UBE2E2: variants seen among roughly 807,000 people sequenced by gnomAD.
The protein encoded by UBE2E2 is ubiquitin-conjugating enzyme E2 E2.
A neutral mutation model predicts 24.7 loss-of-function variants in UBE2E2; 6 were observed. The observed-to-expected ratio is 0.24, with a 90% CI of 0.13 to 0.48. The LOEUF is 0.48. Among genes scored for constraint, UBE2E2 ranks in the 20% least tolerant of loss-of-function variants. The probability of loss-of-function intolerance (pLI) is 0.99; values close to 1 mark genes in which losing one functional copy is unlikely to be tolerated. For missense variants in UBE2E2, 169 were observed against 245.0 expected (o/e 0.69, Z 2.07); for synonymous variants, 104 against 83.6 (o/e 1.24, Z -1.33).
At chr3:23,395,276 G>A (rs899021170) in intron 3 of UBE2E2, among the ~76,000 whole-genome samples, 3 of 152,132 alleles carry the variant, frequency 2.0e-5, no homozygotes, top group African/African-American at 7.2e-5. Flanking sequence ...AGTCATTTCC[G>A]GATACCAACT....
intron 3 of UBE2E2, among the ~76,000 whole-genome samples, chr3:23,485,210 C>G (rs1347912283): frequency 6.7e-6 from 1 of 149,872 alleles, no homozygotes. Context: ...CCCAAGTAAT[C>G]TCAGCCTCCC....
chr3:23,255,068 G>A (rs1237315373), intron 3 of UBE2E2, among the ~76,000 whole-genome samples: 1 of 146,012 alleles, frequency 6.8e-6, no homozygotes, highest in Non-Finnish European at 1.5e-5. Flanking sequence ...ATCAGTTTAA[G>A]GAGTAACTTC....
chr3:23,320,391 A>G (rs1694709311), intron 3 of UBE2E2, among the ~76,000 whole-genome samples: 1 of 152,180 alleles, frequency 6.6e-6, no homozygotes, highest in Admixed American at 6.5e-5. Flanking sequence ...TGACTTTATT[A>G]AGATATAATT....
Position 23,267,285 on chromosome 3 carries a change from C to T in UBE2E2, c.227+49973C>T, listed in dbSNP as rs550791721. 4.5e-3 allele frequency among the ~76,000 whole-genome samples: 681 copies of T among 151,440 alleles called. 5 individuals carry two copies. The highest frequency in any genetic ancestry group is 0.01 in the Middle Eastern group (3 of 294). ...CCAGGAGCTGGTTTTTTGAAAGGAT[C>T]AACAAAATTGATAGACCGCTAGCAA... On this transcript the variant is annotated intron_variant, in intron 3 of 5. Coordinates refer to ENST00000396703, the MANE Select transcript of UBE2E2 (RefSeq NM_152653.4).
intron 5 of UBE2E2, among the ~76,000 whole-genome samples, chr3:23,543,879 A>T (rs769341587): frequency 6.6e-6 from 1 of 152,232 alleles, no homozygotes; most frequent in Non-Finnish European, 1.5e-5. Context: ...ACATAAACCA[A>T]TGGAACAGAA....
intron 3 of UBE2E2, among the ~76,000 whole-genome samples, chr3:23,321,163 G>A (rs1694727687): frequency 6.6e-6 from 1 of 152,190 alleles, no homozygotes; most frequent in South Asian, 2.1e-4. Context: ...ATATGTGTAT[G>A]CCCAAATTTT....
chr3:23,468,181 T>C (rs1280143062), intron 3 of UBE2E2, among the ~76,000 whole-genome samples: 2 of 152,224 alleles, frequency 1.3e-5, no homozygotes, highest in East Asian at 3.8e-4. Flanking sequence ...AAGTCATTTC[T>C]CCTGCCCACC....
At position 23,284,940 on chromosome 3, in the gene UBE2E2, A is replaced by G. The variant is rs937756298; in HGVS notation, c.227+67628A>G. The stretch of plus-strand genomic sequence containing the variant: ...TTATTCATTTTTTTTTCATTTTTCT[A>G]TAGCTTCTTGTTGGAAAAAAAAATA... On this transcript the variant is annotated intron_variant, in intron 3 of 5. Transcript: ENST00000396703. 8.3e-5 allele frequency among the ~76,000 whole-genome samples: 11 copies of G among 132,566 alleles called. 2 individuals carry two copies. Among genetic ancestry groups the G allele is most frequent in the Admixed American group, 2.2e-4 (3 of 13,418 alleles). The allele number at this position is 132,566 out of a possible 152,430, so 87.0% of individuals were successfully genotyped here.
chr3:23,486,801 C>G (rs1319368861), intron 3 of UBE2E2, among the ~76,000 whole-genome samples: 1 of 152,190 alleles, frequency 6.6e-6, no homozygotes, highest in East Asian at 1.9e-4. Context: ...TAGGTGCTGA[C>G]TGGTCCATGG....
chr3:23,241,916 C>G (rs573304321), intron 3 of UBE2E2, among the ~76,000 whole-genome samples: 8 of 152,128 alleles, frequency 5.3e-5, no homozygotes, highest in Admixed American at 1.3e-4. Flanking sequence ...GTTTTTGTTT[C>G]TTGTCTTAAT....
At chr3:23,414,686 C>A (rs1228759100) in intron 3 of UBE2E2, among the ~76,000 whole-genome samples, 1 of 152,080 alleles carries the variant, frequency 6.6e-6, no homozygotes, top group Non-Finnish European at 1.5e-5. Flanking sequence ...AATCTCATCC[C>A]CAGCGCAATA....
chr3:23,489,538 G>C (rs1180824042), intron 3 of UBE2E2, among the ~76,000 whole-genome samples: 2 of 152,240 alleles, frequency 1.3e-5, no homozygotes, highest in African/African-American at 2.4e-5. Flanking sequence ...AGCCCGTAAA[G>C]TGAAACTCTT....
At chr3:23,521,696 C>T (rs1321808050) in intron 4 of UBE2E2, among the ~76,000 whole-genome samples, 5 of 152,150 alleles carry the variant, frequency 3.3e-5, no homozygotes, top group Non-Finnish European at 1.5e-5. Context: ...CTCCTTAAAA[C>T]ATGATAAGGT....
chr3:23,364,315 CA>C (rs1201748233), intron 3 of UBE2E2, among the ~76,000 whole-genome samples: 3 of 151,830 alleles, frequency 2.0e-5, no homozygotes, highest in Non-Finnish European at 4.4e-5. Context: ...AAAAACCATA[CA>C]AAAGATCAAC....
intron 3 of UBE2E2, among the ~76,000 whole-genome samples, chr3:23,486,430 G>T (rs940548576): frequency 7.2e-5 from 11 of 152,166 alleles, no homozygotes; most frequent in African/African-American, 2.7e-4. Context: ...TTCCCAGGAA[G>T]GCTGCAGCTC....
At chr3:23,262,659 T>C (rs536510325) in intron 3 of UBE2E2, among the ~76,000 whole-genome samples, 2 of 152,230 alleles carry the variant, frequency 1.3e-5, no homozygotes, top group Middle Eastern at 3.4e-3. Context: ...ATTTTGGGTA[T>C]TAAGCCCTTA....
intron 3 of UBE2E2, among the ~76,000 whole-genome samples, chr3:23,457,955 C>G (rs1278410300): frequency 6.6e-6 from 1 of 152,166 alleles, no homozygotes; most frequent in African/African-American, 2.4e-5. Flanking sequence ...TTCTTCATAT[C>G]AGCAATAAAG....
At chr3:23,350,774 A>G (rs1372121276) in intron 3 of UBE2E2, among the ~76,000 whole-genome samples, 1 of 152,240 alleles carries the variant, frequency 6.6e-6, no homozygotes. Flanking sequence ...TGTACCTGAA[A>G]GTGACGGGGA....
intron 3 of UBE2E2, among the ~76,000 whole-genome samples, chr3:23,496,670 C>T (rs553887843): frequency 6.6e-6 from 1 of 152,136 alleles, no homozygotes; most frequent in East Asian, 1.9e-4. Context: ...TGTCAGTAGC[C>T]ATTTGTGTTG....
Sources: allele counts gnomAD v4.1 joint callset (sites outside exome capture counted in the v4.1 genomes callset), GRCh38; gene constraint gnomAD v4.1.1; transcripts MANE v1.5; gene names NCBI Gene and HGNC (gene_info 2026-07-23, HGNC 2026-07-21).